Variants in NFATC1 observed in about 807,000 individuals in gnomAD.
The protein encoded by NFATC1 is nuclear factor of activated T-cells, cytoplasmic 1.
A neutral mutation model predicts 76.0 loss-of-function variants in NFATC1; 22 were observed. The observed-to-expected ratio is 0.29, with a 90% CI of 0.21 to 0.41. The LOEUF (loss-of-function observed/expected upper bound fraction) is 0.41. Ranked by LOEUF, NFATC1 falls within the 10% of genes least tolerant of loss-of-function variation. The probability of loss-of-function intolerance (pLI) is 1.00; values close to 1 mark genes in which losing one functional copy is unlikely to be tolerated. For missense variants in NFATC1, 1,357 were observed against 1,337.7 expected (o/e 1.01, Z -0.23); for synonymous variants, 704 against 613.1 (o/e 1.15, Z -2.19).
At chr18:79,505,647 G>A (rs529022746) in intron 9 of NFATC1, among the ~76,000 whole-genome samples, 1 of 147,090 alleles carries the variant, frequency 6.8e-6, no homozygotes, top group African/African-American at 2.6e-5. Context: ...GGTGGTGGAC[G>A]AGACCCTTGG....
intron 9 of NFATC1, among the ~76,000 whole-genome samples, chr18:79,525,680 A>G (rs114036307): frequency 0.01 from 1,536 of 152,166 alleles, 20 homozygotes; most frequent in African/African-American, 0.033. Flanking sequence ...CACAATCACT[A>G]TTCTGACTGG....
chr18:79,398,685 T>G (rs973612783), intron 1 of NFATC1, among the ~76,000 whole-genome samples: 3 of 152,220 alleles, frequency 2.0e-5, no homozygotes, highest in African/African-American at 2.4e-5. Flanking sequence ...GCGGGACAGT[T>G]TAGCAAAAAG....
At chr18:79,447,457 GTTAGT>G (rs2087258974) in intron 3 of NFATC1, among the ~76,000 whole-genome samples, 1 of 151,698 alleles carries the variant, frequency 6.6e-6, no homozygotes, top group Admixed American at 6.6e-5. Context: ...AGATTTTAAA[GTTAGT>G]TTAGTGAGAA....
rs780918086 is a variant in NFATC1 at position 79,486,279 on chromosome 18, T to C, written c.2124T>C (p.Asp708=). 6.2e-7 allele frequency: 1 copy of C among 1,612,702 alleles called. No individual in the cohort carries two copies. Among genetic ancestry groups the C allele is most frequent in the South Asian group, 1.1e-5 (1 of 91,082 alleles). ...VPIIKTEPTD[D]YEPAPTCGPV... is the part of the protein sequence containing the mutation. ...TTATAAAAACAGAACCCACTGATGA[T>C]TATGAGCCTGCTCCAACCTGTGGAC... Residue 708 remains aspartate (D), a synonymous_variant, in exon 9 of 10, where the codon GAT becomes GAC. Transcript: ENST00000427363.
At chr18:79,448,538 G>A (rs2087316063) in intron 3 of NFATC1, 2 of 557,450 alleles carry the variant, frequency 3.6e-6, no homozygotes, top group Non-Finnish European at 6.4e-6. Flanking sequence ...CACACAGCAA[G>A]TGTGGATGCA....
chr18:79,506,401 G>A (rs986720910), intron 9 of NFATC1, among the ~76,000 whole-genome samples: 4 of 152,186 alleles, frequency 2.6e-5, no homozygotes, highest in Non-Finnish European at 5.9e-5. Flanking sequence ...CTCTCCCAGG[G>A]ACCCTCTGTG....
intron 9 of NFATC1, among the ~76,000 whole-genome samples, chr18:79,526,282 C>T (rs999741313): frequency 6.6e-6 from 1 of 152,252 alleles, no homozygotes; most frequent in African/African-American, 2.4e-5. Context: ...AGCCCGGGCT[C>T]CTTCTGGTGC....
intron 9 of NFATC1, among the ~76,000 whole-genome samples, chr18:79,517,164 G>A (rs1321144005): frequency 2.6e-5 from 4 of 152,192 alleles, no homozygotes; most frequent in Non-Finnish European, 4.4e-5. Flanking sequence ...TTTAAGAATA[G>A]GATTTGGCCT....
At chr18:79,431,265 G>T (rs2086578977) in intron 2 of NFATC1, among the ~76,000 whole-genome samples, 1 of 152,216 alleles carries the variant, frequency 6.6e-6, no homozygotes, top group Non-Finnish European at 1.5e-5. Flanking sequence ...CATTTTAGGT[G>T]TTTGTATTTT....
At chr18:79,457,243 A>T (rs1344201733) in intron 6 of NFATC1, among the ~76,000 whole-genome samples, 2 of 152,108 alleles carry the variant, frequency 1.3e-5, no homozygotes, top group Non-Finnish European at 2.9e-5. Flanking sequence ...GCGCCCGGGG[A>T]AGAGACACCT....
intron 6 of NFATC1, among the ~76,000 whole-genome samples, chr18:79,458,845 C>T (rs1208245948): frequency 1.3e-5 from 2 of 152,274 alleles, no homozygotes; most frequent in African/African-American, 4.8e-5. Flanking sequence ...GAGGTTATTT[C>T]CATCTTTCAG....
intron 9 of NFATC1, among the ~76,000 whole-genome samples, chr18:79,487,513 C>T (rs1336241556): frequency 6.6e-6 from 1 of 152,220 alleles, no homozygotes; most frequent in Non-Finnish European, 1.5e-5. Context: ...GGGTCTTCCC[C>T]ATCTAGCCCC....
chr18:79,469,758 C>T (rs766268192), intron 8 of NFATC1: 89 of 985,532 alleles, frequency 9.0e-5, no homozygotes, highest in Admixed American at 3.7e-4. Flanking sequence ...CTCTCCTGGA[C>T]GTAGCACCAT....
In NFATC1 at chr18:79,464,710, A is replaced by ATTTAT. The variant is rs1468121503; in HGVS notation, c.1960-2737_1960-2736insATTTT. On this transcript the variant is annotated intron_variant, in intron 7 of 9. Transcript: ENST00000427363. The stretch of plus-strand genomic sequence containing the variant: ...TATATATATATTTATTTATTTATTT[A>ATTTAT]TTTTTTTTTTTTTGAGACAGGGTCT... 4.7e-3 allele frequency among the ~76,000 whole-genome samples: 431 copies of ATTTAT among 92,024 alleles called. 13 individuals carry two copies. The highest frequency in any genetic ancestry group is 0.018 in the African/African-American group (399 of 22,100). 60.4% of individuals were successfully genotyped at this position (92,024 alleles called of 152,430 possible).
At chr18:79,445,129 T>C (rs909369844) in intron 3 of NFATC1, among the ~76,000 whole-genome samples, 2 of 152,270 alleles carry the variant, frequency 1.3e-5, no homozygotes, top group African/African-American at 4.8e-5. Context: ...TACTTTTGTT[T>C]CGATTTTTCC....
rs544883350 is a variant in NFATC1, at chr18:79,464,951, C to A, written c.1960-2499C>A. ...AACTCCTGGGCTCAAGCAATCCTCCCACCTGGGCCTCCCAAAGTGCTGGGA... is the reference window on the plus strand; with the variant it reads ...AACTCCTGGGCTCAAGCAATCCTCCAACCTGGGCCTCCCAAAGTGCTGGGA... On this transcript the variant is annotated intron_variant, in intron 7 of 9. Coordinates refer to ENST00000427363, the MANE Select transcript of NFATC1 (RefSeq NM_001278669.2). 3.8e-4 allele frequency among the ~76,000 whole-genome samples: 58 copies of A among 152,042 alleles called. No homozygotes were observed. In the South Asian group the frequency reaches 5.8e-3, roughly 15 times the overall value.
At chr18:79,448,069 C>T (rs1222001593) in intron 3 of NFATC1, among the ~76,000 whole-genome samples, 1 of 152,206 alleles carries the variant, frequency 6.6e-6, no homozygotes, top group Non-Finnish European at 1.5e-5. Context: ...AGTCCTGTCC[C>T]AGTGGTGTGG....
intron 6 of NFATC1, among the ~76,000 whole-genome samples, chr18:79,458,403 T>A (rs2087861556): frequency 6.6e-6 from 1 of 152,096 alleles, no homozygotes; most frequent in Non-Finnish European, 1.5e-5. Flanking sequence ...CGCTGCTGCT[T>A]CCACCAGCGG....
At chr18:79,489,477 C>T (rs1042119170) in intron 9 of NFATC1, among the ~76,000 whole-genome samples, 2 of 152,192 alleles carry the variant, frequency 1.3e-5, no homozygotes, top group South Asian at 4.1e-4. Context: ...GTAAAGCAGT[C>T]GCTCACACCC....
Sources: gnomAD v4.1 joint callset for allele counts (sites outside exome capture counted in the v4.1 genomes callset) on GRCh38, gnomAD v4.1.1 for gene constraint, MANE v1.5 for transcripts, NCBI Gene and HGNC (gene_info 2026-07-23, HGNC 2026-07-21) for gene names.